BMP1: variants seen among roughly 807,000 people sequenced by gnomAD.
The protein encoded by BMP1 is mammalian tolloid protein.
Under a neutral mutation model 116.8 loss-of-function variants are expected in BMP1, and 63 were observed. The observed-to-expected ratio is 0.54, with a 90% CI of 0.44 to 0.67. BMP1 has a LOEUF of 0.67. Ranked by LOEUF, BMP1 falls within the 30% of genes least tolerant of loss-of-function variation. The pLI, the probability that BMP1 is intolerant of heterozygous loss-of-function variation, is 0.00. For missense variants in BMP1, 1,183 were observed against 1,358.9 expected, an observed-to-expected ratio of 0.87 and a Z score of 2.04; for synonymous variants, 536 against 533.4, an observed-to-expected ratio of 1.00 and a Z score of -0.07.
intron 15 of BMP1, chr8:22,199,308 T>C (rs371120658): frequency 1.5e-6 from 2 of 1,362,290 alleles, no homozygotes; most frequent in Non-Finnish European, 9.8e-7. Flanking sequence ...GAGGAGACCC[T>C]AAGCCAAGAA....
intron 15 of BMP1, chr8:22,199,143 C>T (rs1041859936): frequency 7.3e-7 from 1 of 1,367,636 alleles, no homozygotes; most frequent in Non-Finnish European, 9.8e-7. Context: ...ACACACACGC[C>T]CACACGCACA....
At chr8:22,172,148 G>A (rs576334444) in intron 1 of BMP1, among the ~76,000 whole-genome samples, 13 of 152,196 alleles carry the variant, frequency 8.5e-5, no homozygotes, top group Non-Finnish European at 1.6e-4. Context: ...TTTGTGTAAC[G>A]CGACCGCCAG....
chr8:22,193,124 T>G (rs1828982008), intron 9 of BMP1, among the ~76,000 whole-genome samples: 2 of 152,200 alleles, frequency 1.3e-5, no homozygotes, highest in African/African-American at 4.8e-5. Context: ...CCGGCCTTAT[T>G]AGGAACACAC....
At position 22,209,623 on chromosome 8, in the gene BMP1, C is replaced by A. The variant is rs1225887845; in HGVS notation, c.2754C>A (p.Gly918=). Residue 918 remains glycine (G), a synonymous_variant, in exon 19 of 20, where the codon GGC becomes GGA. Transcript: ENST00000306385. ...TFEVEEETDC[G]YDYMELFDGY... The stretch of plus-strand genomic sequence containing the variant: ...AGGTGGAGGAGGAGACCGACTGCGG[C>A]TATGACTACATGGAGCTCTTCGACG... 1 of 1,614,068 alleles carries A rather than the reference C, an allele frequency of 6.2e-7. No homozygotes were observed. The highest frequency in any genetic ancestry group is 8.5e-7 in the Non-Finnish European group (1 of 1,180,036).
chr8:22,176,227 C>T lies in BMP1; in HGVS notation c.347C>T (p.Ser116Phe). The T allele has an allele frequency of 6.2e-7, 1 of 1,614,066 alleles. No homozygotes were observed. The highest frequency in any genetic ancestry group is 1.3e-5 in the African/African-American group (1 of 75,056). The change falls in exon 3 of 20, where the codon TCC (serine) becomes TTC (phenylalanine). Residue 116 changes from serine to phenylalanine, a missense_variant. Physicochemically the swap from Ser to Phe is radical, Grantham distance 155. Around this residue, in one of 4 missense-constraint regions of BMP1, gnomAD observed 185 missense variants for 158.9 expected, o/e 1.16. Coordinates refer to ENST00000306385, the MANE Select transcript of BMP1 (RefSeq NM_006129.5). ...GCCTGTGGGAGATGGAGAGGTAGAT[C>T]CCGTAGCCGGCGGGCGGCGACGTCC... The part of the protein sequence containing the change: ...RGACGRWRGR[S>F]RSRRAATSRP...
chr8:22,179,880 A>T lies in BMP1; in HGVS notation c.961+51A>T, dbSNP rs769041230. ...GGGCGTGGAGGGCAGGGCCTGAGGG[A>T]GGCAGAGGCCAGGTGCCTGGTGCCA... is the stretch of plus-strand genomic sequence containing the variant. On this transcript the variant is annotated intron_variant, in intron 7 of 19. Coordinates refer to ENST00000306385, the MANE Select transcript of BMP1 (RefSeq NM_006129.5). The surrounding 1 kb of genome is among the most constrained non-coding windows in gnomAD (Gnocchi z 4.6). 1 of 1,563,798 alleles carries T rather than the reference A, an allele frequency of 6.4e-7. No individual in the cohort carries two copies. Among genetic ancestry groups the T allele is most frequent in the Admixed American group, 1.8e-5 (1 of 55,396 alleles).
chr8:22,187,711 C>G (rs1828816835), intron 8 of BMP1, among the ~76,000 whole-genome samples: 2 of 151,916 alleles, frequency 1.3e-5, no homozygotes, highest in Non-Finnish European at 2.9e-5. Context: ...CGCTATTTCT[C>G]TCTAATTCCA....
At chr8:22,188,331 G>A (rs535015999) in intron 8 of BMP1, among the ~76,000 whole-genome samples, 1 of 152,092 alleles carries the variant, frequency 6.6e-6, no homozygotes, top group Admixed American at 6.6e-5. Flanking sequence ...ATCATGCCCG[G>A]CAAATTTTTA....
At chr8:22,205,934 G>A (rs371758643) in intron 16 of BMP1, among the ~76,000 whole-genome samples, 44 of 152,262 alleles carry the variant, frequency 2.9e-4, no homozygotes, top group African/African-American at 4.1e-4. Context: ...CCGAGAGGCC[G>A]TCTTGGGTGG....
rs118107312 is a variant in BMP1 at position 22,205,554 on chromosome 8, C to T, written c.2234-1300C>T. On this transcript the variant is annotated intron_variant, in intron 16 of 19. Coordinates refer to ENST00000306385, the MANE Select transcript of BMP1 (RefSeq NM_006129.5). ...CTTTGGGAAGCTGAGGCAGGAGGAT[C>T]GCTTGAATCCAGGAGTTTGACATCA... Among the ~76,000 whole-genome samples, 183 of 152,144 alleles carry T rather than the reference C, an allele frequency of 1.2e-3. 2 individuals carry two copies. The East Asian group carries it at 0.031, about 26-fold the overall frequency.
intron 8 of BMP1, 123 bp downstream of exon 8, chr8:22,180,606 A>C (rs1828591454): frequency 1.2e-6 from 1 of 851,152 alleles, no homozygotes; most frequent in East Asian, 2.5e-5. Flanking sequence ...TAAATGTATC[A>C]AGTCCAGAGC....
At chr8:22,201,705 C>T (rs373236545) in intron 15 of BMP1, 98 bp from the exon 16 acceptor site, 81 of 1,553,480 alleles carry the variant, frequency 5.2e-5, no homozygotes, top group East Asian at 1.9e-4. Flanking sequence ...TGCTCTGTCC[C>T]GGTGGGAGAA....
chr8:22,209,042 A>G lies in BMP1; in HGVS notation c.2576-403A>G, dbSNP rs114673047. On this transcript the variant is annotated intron_variant, in intron 18 of 19. Transcript: ENST00000306385. ...TTTTAAAAATGTGAGCCAACACTTA[A>G]AAGTTAGGAGTTTTCACATAAAACC... 3.9e-3 allele frequency among the ~76,000 whole-genome samples: 598 copies of G among 152,314 alleles called. 7 individuals carry two copies. The highest frequency in any genetic ancestry group is 0.013 in the African/African-American group (548 of 41,542).
chr8:22,207,557 T>A (rs1829386688), intron 18 of BMP1, 41 bp downstream of exon 18: 1 of 1,601,906 alleles, frequency 6.2e-7, no homozygotes, highest in African/African-American at 1.3e-5. Flanking sequence ...GAGCCTGGTC[T>A]CCAAGACTGG....
In BMP1 at chr8:22,192,048, G is replaced by C; in HGVS notation, c.1078-1G>C. 1 of 1,612,834 alleles carries C rather than the reference G, an allele frequency of 6.2e-7. No homozygotes were observed. The highest frequency in any genetic ancestry group is 8.5e-7 in the Non-Finnish European group (1 of 1,178,942). ...ACCCTCTTCCTCCCCTGTTGCCCTA[G>C]ATCATCCTGAACTTCACGTCCCTGG... On this transcript the variant is annotated splice_acceptor_variant, in intron 8 of 19. Coordinates refer to ENST00000306385, the MANE Select transcript of BMP1 (RefSeq NM_006129.5). LOFTEE classifies it high-confidence loss of function.
chr8:22,171,922 C>T (rs948208493), intron 1 of BMP1, among the ~76,000 whole-genome samples: 2 of 152,226 alleles, frequency 1.3e-5, no homozygotes, highest in African/African-American at 2.4e-5. Context: ...CCTGAAAGTG[C>T]AGTGCTGGCT....
chr8:22,196,076 G>T, intron 13 of BMP1: 1 of 410,298 alleles, frequency 2.4e-6, no homozygotes, highest in Non-Finnish European at 4.9e-6. Flanking sequence ...CCCGTAGGCC[G>T]CATTCTGGCT....
intron 1 of BMP1, among the ~76,000 whole-genome samples, chr8:22,168,652 G>A (rs969743392): frequency 1.3e-5 from 2 of 152,190 alleles, no homozygotes; most frequent in African/African-American, 2.4e-5. Context: ...ACATCAGAGA[G>A]CCATAGAGGA....
chr8:22,186,380 T>A (rs1828770875), intron 8 of BMP1, among the ~76,000 whole-genome samples: 1 of 152,214 alleles, frequency 6.6e-6, no homozygotes, highest in African/African-American at 2.4e-5. Flanking sequence ...CCAGAGTGCC[T>A]GAGTTTGACT....
Sources: allele counts gnomAD v4.1 joint callset (sites outside exome capture counted in the v4.1 genomes callset), GRCh38; gene constraint gnomAD v4.1.1; regional missense constraint gnomAD v4.1.1; non-coding constraint Gnocchi (gnomAD v3.1); transcripts MANE v1.5; gene names NCBI Gene and HGNC (gene_info 2026-07-23, HGNC 2026-07-21).